Variants in KIAA0232 observed in about 807,000 individuals in gnomAD.
KIAA0232 encodes the protein KIAA0232.
Under a neutral mutation model 122.0 loss-of-function variants are expected in KIAA0232, and 27 were observed. That is an observed-to-expected ratio of 0.22 (90% CI 0.16 to 0.31). The LOEUF is 0.31. Among genes scored for constraint, KIAA0232 ranks in the 10% least tolerant of loss-of-function variants. The pLI is 1.00. For missense variants in KIAA0232, 1,551 were observed against 1,634.2 expected (o/e 0.95, Z 0.88); for synonymous variants, 613 against 587.6 (o/e 1.04, Z -0.63).
chr4:6,840,736 T>G (rs1719605193), intron 3 of KIAA0232, among the ~76,000 whole-genome samples: 4 of 151,624 alleles, frequency 2.6e-5, no homozygotes, highest in Non-Finnish European at 1.5e-5. Context: ...TTTTTTTTTT[T>G]GAGACACTCC....
At chr4:6,812,091 G>A (rs1247384542) in intron 2 of KIAA0232, among the ~76,000 whole-genome samples, 2 of 152,158 alleles carry the variant, frequency 1.3e-5, no homozygotes, top group Admixed American at 1.3e-4. Context: ...TTTCAGAGTA[G>A]CTGTGATTAG....
intron 1 of KIAA0232, among the ~76,000 whole-genome samples, chr4:6,792,508 T>A (rs1486276579): frequency 3.3e-5 from 5 of 152,172 alleles, no homozygotes; most frequent in Non-Finnish European, 4.4e-5. Flanking sequence ...TTTTCTGAAG[T>A]AGTCCTGTGA....
rs1560195620 is a variant in KIAA0232, at chr4:6,855,570, G to T, written c.370-1594G>T. Among the ~76,000 whole-genome samples the T allele has an allele frequency of 6.6e-6, 1 of 151,880 alleles. No individual in the cohort carries two copies. Among genetic ancestry groups the T allele is most frequent in the Non-Finnish European group, 1.5e-5 (1 of 67,996 alleles). On this transcript the variant is annotated intron_variant, in intron 4 of 9. Coordinates refer to ENST00000307659, the MANE Select transcript of KIAA0232 (RefSeq NM_014743.3). The surrounding 1 kb of genome is among the most constrained non-coding windows in gnomAD (Gnocchi z 4.3). Reference sequence around the variant, plus strand: ...CAAATATATATATATCACTCATATAGTATACATATTTACTCATATATTAAT... The same window carrying T: ...CAAATATATATATATCACTCATATATTATACATATTTACTCATATATTAAT...
intron 7 of KIAA0232, among the ~76,000 whole-genome samples, chr4:6,864,474 C>G (rs780335834): frequency 2.0e-5 from 3 of 152,088 alleles, no homozygotes; most frequent in Non-Finnish European, 2.9e-5. Flanking sequence ...TGCAGTGGCT[C>G]ACGCCTGTAA....
chr4:6,838,884 T>C (rs1719492277), intron 3 of KIAA0232, among the ~76,000 whole-genome samples: 1 of 152,118 alleles, frequency 6.6e-6, no homozygotes, highest in Non-Finnish European at 1.5e-5. Flanking sequence ...ATCCTAGCAC[T>C]CTGGGAGGCC....
intron 5 of KIAA0232, 35 bp downstream of exon 5, chr4:6,857,265 G>A (rs1265525105): frequency 6.4e-7 from 1 of 1,553,960 alleles, no homozygotes; most frequent in Non-Finnish European, 8.8e-7. Flanking sequence ...CACATGCCAG[G>A]ATTACATCCC....
intron 7 of KIAA0232, among the ~76,000 whole-genome samples, chr4:6,869,243 G>C (rs1721342153): frequency 2.6e-5 from 4 of 152,182 alleles, no homozygotes; most frequent in Admixed American, 2.6e-4. Context: ...CTCAAGAAAG[G>C]ATGAAAAGAT....
At chr4:6,791,733 A>G (rs1248339179) in intron 1 of KIAA0232, among the ~76,000 whole-genome samples, 1 of 152,180 alleles carries the variant, frequency 6.6e-6, no homozygotes, top group African/African-American at 2.4e-5. Context: ...AAAAAATGGA[A>G]TCATGGTAAA....
intron 4 of KIAA0232, 66 bp from the exon 5 acceptor site, chr4:6,857,098 A>C (rs1720607772): frequency 8.4e-7 from 1 of 1,186,274 alleles, no homozygotes. Flanking sequence ...TTAAAACAAA[A>C]GTATACAAAT....
chr4:6,806,484 C>T (rs1717618847), intron 2 of KIAA0232, among the ~76,000 whole-genome samples: 1 of 151,986 alleles, frequency 6.6e-6, no homozygotes, highest in African/African-American at 2.4e-5. Context: ...CCTGTAATCC[C>T]AGCACTTTGG....
chr4:6,819,819 C>G lies in KIAA0232; in HGVS notation c.-269-4366C>G, dbSNP rs114327112. 2.8e-3 allele frequency among the ~76,000 whole-genome samples: 424 copies of G among 152,266 alleles called. 2 individuals are homozygous for G. Among genetic ancestry groups the G allele is most frequent in the African/African-American group, 9.7e-3 (404 of 41,548 alleles). On this transcript the variant is annotated intron_variant, in intron 2 of 9. Coordinates refer to ENST00000307659, the MANE Select transcript of KIAA0232 (RefSeq NM_014743.3). ...CTCATATGTTCATCACGGCACTATT[C>G]ACACTAGCAAAGATACGGAATCAAC...
intron 7 of KIAA0232, among the ~76,000 whole-genome samples, chr4:6,867,543 G>C (rs746698043): frequency 6.6e-6 from 1 of 152,182 alleles, no homozygotes; most frequent in Non-Finnish European, 1.5e-5. Context: ...TGCCAACTTA[G>C]TACCAAGCAC....
chr4:6,825,321 C>A (rs75925938), intron 3 of KIAA0232, among the ~76,000 whole-genome samples: 1 of 152,048 alleles, frequency 6.6e-6, no homozygotes, highest in Admixed American at 6.6e-5. Context: ...GAGGCCGAGG[C>A]GGGAGGATCC....
chr4:6,783,402 T>G (rs1716448941), intron 1 of KIAA0232, among the ~76,000 whole-genome samples: 1 of 152,184 alleles, frequency 6.6e-6, no homozygotes, highest in African/African-American at 2.4e-5. Context: ...GGGGCGGCTC[T>G]TCTAGGGGAG....
intron 4 of KIAA0232, among the ~76,000 whole-genome samples, chr4:6,844,371 C>A (rs997771524): frequency 6.6e-6 from 1 of 151,974 alleles, no homozygotes; most frequent in African/African-American, 2.4e-5. Context: ...ATTATTTTTT[C>A]TCTTCCCAGC....
At chr4:6,864,630 T>C (rs911193854) in intron 7 of KIAA0232, among the ~76,000 whole-genome samples, 1 of 148,858 alleles carries the variant, frequency 6.7e-6, no homozygotes, top group African/African-American at 2.5e-5. Context: ...TCCCAGCTCC[T>C]TGGGAGGCTG....
At position 6,828,216 on chromosome 4, in the gene KIAA0232, T is replaced by TA. The variant is rs1577378020; in HGVS notation, c.231+3540dup. On this transcript the variant is annotated intron_variant, in intron 3 of 9. Coordinates refer to ENST00000307659, the MANE Select transcript of KIAA0232 (RefSeq NM_014743.3). ...GGCAACATAGTGAGACTCCATCTCT[T>TA]AAAAAAAATTATCTGGATGCAGTGG... Among the ~76,000 whole-genome samples the TA allele has an allele frequency of 2.6e-5, 4 of 151,854 alleles. No individual in the cohort carries two copies. In the South Asian group the frequency reaches 6.2e-4, roughly 24 times the overall value.
At chr4:6,859,474 A>C (rs1331987983) in intron 6 of KIAA0232, among the ~76,000 whole-genome samples, 1 of 152,178 alleles carries the variant, frequency 6.6e-6, no homozygotes, top group Non-Finnish European at 1.5e-5. Context: ...GACAATTCTC[A>C]TTGGATTTCA....
intron 2 of KIAA0232, among the ~76,000 whole-genome samples, chr4:6,810,586 A>C (rs187352838): frequency 6.6e-6 from 1 of 152,334 alleles, no homozygotes; most frequent in Non-Finnish European, 1.5e-5. Context: ...AATGGGCCTT[A>C]TCGAAACCAA....
Sources: gnomAD v4.1 joint callset for allele counts (sites outside exome capture counted in the v4.1 genomes callset) on GRCh38, gnomAD v4.1.1 for gene constraint, Gnocchi (gnomAD v3.1) non-coding constraint, MANE v1.5 for transcripts, NCBI Gene and HGNC (gene_info 2026-07-23, HGNC 2026-07-21) for gene names.